Variants in GIGYF2 observed in about 807,000 individuals in gnomAD.
GIGYF2 encodes the protein GRB10-interacting GYF protein 2.
In GIGYF2, 25 loss-of-function variants were observed where a neutral mutation model predicts 208.1. The ratio of observed to expected loss-of-function variants is 0.12; its 90% CI spans 0.09 to 0.17. The LOEUF (loss-of-function observed/expected upper bound fraction) is 0.17. Ranked by LOEUF, GIGYF2 falls within the 10% of genes least tolerant of loss-of-function variation. The pLI is 1.00. For missense variants in GIGYF2, 1,302 were observed against 1,579.4 expected (o/e 0.82, Z 2.98); for synonymous variants, 534 against 543.8 (o/e 0.98, Z 0.25).
At chr2:232,709,099 G>A (rs1696265249) in intron 2 of GIGYF2, among the ~76,000 whole-genome samples, 1 of 152,148 alleles carries the variant, frequency 6.6e-6, no homozygotes, top group Non-Finnish European at 1.5e-5. Context: ...TCCAGTCTGG[G>A]TGACAGAGTG....
chr2:232,776,987 G>C (rs11887276), intron 8 of GIGYF2, among the ~76,000 whole-genome samples: 3,290 of 151,816 alleles, frequency 0.022, 126 homozygotes, highest in African/African-American at 0.075. Context: ...GGACTTATAG[G>C]CATAAATTAA....
chr2:232,701,002 C>A (rs1396687887), intron 1 of GIGYF2, among the ~76,000 whole-genome samples: 1 of 152,026 alleles, frequency 6.6e-6, no homozygotes, highest in African/African-American at 2.4e-5. Context: ...ATTGTTTTTA[C>A]ATTTTATTCA....
At chr2:232,767,945 T>G (rs1028373805) in intron 8 of GIGYF2, 14 of 492,568 alleles carry the variant, frequency 2.8e-5, no homozygotes, top group Non-Finnish European at 4.4e-5. Flanking sequence ...CCAGCAACAT[T>G]TCTGTATAAG....
chr2:232,699,176 A>G (rs1227897174), intron 1 of GIGYF2, among the ~76,000 whole-genome samples: 2 of 152,206 alleles, frequency 1.3e-5, no homozygotes, highest in African/African-American at 4.8e-5. Flanking sequence ...GAAAAACCCA[A>G]CAGAGGTGAA....
chr2:232,796,215 A>G lies in GIGYF2; in HGVS notation c.1633A>G (p.Ile545Val), dbSNP rs1262408040. 1 of 1,595,752 alleles carries G rather than the reference A, an allele frequency of 6.3e-7. No homozygotes were observed. The highest frequency in any genetic ancestry group is 2.2e-5 in the East Asian group (1 of 44,778). ...KWYYKDPQGE[I>V]QGPFNNQEMA... ...GTATTACAAAGATCCTCAGGGAGAA[A>G]TTCAAGGCAAGTTGTTCCTTTTTCC... Residue 545 changes from isoleucine (I) to valine (V), a missense_variant, in exon 14 of 29, where the codon ATT becomes GTT. Ile to Val is a conservative substitution (Grantham distance 29). Transcript: ENST00000373563.
At chr2:232,736,050 T>C in intron 3 of GIGYF2, 1 of 976,486 alleles carries the variant, frequency 1.0e-6, no homozygotes, top group Non-Finnish European at 1.2e-6. Flanking sequence ...CTGTAGTAAC[T>C]CTATTTGAGG....
intron 2 of GIGYF2, chr2:232,729,936 A>G (rs886331510): frequency 4.1e-6 from 3 of 732,840 alleles, no homozygotes; most frequent in African/African-American, 1.7e-5. Context: ...TCCTCTTCCT[A>G]TAGTGTCTTC....
At chr2:232,714,757 C>A (rs1318074343) in intron 2 of GIGYF2, among the ~76,000 whole-genome samples, 1 of 151,666 alleles carries the variant, frequency 6.6e-6, no homozygotes, top group Non-Finnish European at 1.5e-5. Context: ...TCTAGAAATT[C>A]ATGTAAATGG....
chr2:232,829,770 A>G (rs772992382), intron 21 of GIGYF2, among the ~76,000 whole-genome samples: 3 of 152,194 alleles, frequency 2.0e-5, no homozygotes, highest in Non-Finnish European at 4.4e-5. Flanking sequence ...TTGACCACCA[A>G]AACTGCTAGT....
chr2:232,796,279 C>A, intron 14 of GIGYF2, 58 bp downstream of exon 14: 1 of 1,079,686 alleles, frequency 9.3e-7, no homozygotes, highest in Non-Finnish European at 1.4e-6. Flanking sequence ...TCCAGAATCT[C>A]TAAGAAGGGA....
chr2:232,712,811 T>C (rs953221702), intron 2 of GIGYF2, among the ~76,000 whole-genome samples: 2 of 152,206 alleles, frequency 1.3e-5, no homozygotes, highest in Non-Finnish European at 2.9e-5. Flanking sequence ...ATTGATTTTT[T>C]AAAAAACGAT....
chr2:232,781,962 C>T (rs1331141782), intron 8 of GIGYF2, among the ~76,000 whole-genome samples: 1 of 152,156 alleles, frequency 6.6e-6, no homozygotes, highest in African/African-American at 2.4e-5. Flanking sequence ...GACTTAATCT[C>T]TTGTGGTTAT....
chr2:232,711,705 G>GTATGTATATATA (rs1553604498), intron 2 of GIGYF2, among the ~76,000 whole-genome samples: 3 of 115,762 alleles, frequency 2.6e-5, no homozygotes, highest in Non-Finnish European at 3.6e-5. Flanking sequence ...TCACAATGAT[G>GTATGTATATATA]TATATATATA....
chr2:232,749,342 A>C (rs956287728), intron 5 of GIGYF2, among the ~76,000 whole-genome samples: 1 of 152,220 alleles, frequency 6.6e-6, no homozygotes, highest in Admixed American at 6.5e-5. Flanking sequence ...GTAGAGAGGA[A>C]GAGTGATTCT....
rs769304377 is a variant in GIGYF2, at chr2:232,787,257, G to A, written c.640G>A (p.Glu214Lys). The A allele has an allele frequency of 6.2e-7, 1 of 1,614,068 alleles. No homozygotes were observed. The highest frequency in any genetic ancestry group is 1.7e-5 in the Admixed American group (1 of 60,008). The change falls in exon 9 of 29, where the codon GAA becomes AAA. Residue 214 changes from glutamate to lysine, a missense_variant. Physicochemically the swap from Glu to Lys is moderately conservative, Grantham distance 56 (BLOSUM62 1). This residue lies in a region of GIGYF2 where 189 missense variants were observed against 257.7 expected (regional missense o/e 0.73). Coordinates refer to ENST00000373563, the MANE Select transcript of GIGYF2 (RefSeq NM_001103146.3). ...WRIFREEQNG[E>K]DEDGGWRLAG... Reference sequence around the variant, plus strand: ...CATCTTTAGAGAGGAACAAAATGGAGAAGATGAAGATGGAGGTTGGCGACT... The same window carrying A: ...CATCTTTAGAGAGGAACAAAATGGAAAAGATGAAGATGGAGGTTGGCGACT...
chr2:232,812,476 G>T lies in GIGYF2; in HGVS notation c.2092G>T (p.Ala698Ser). 1 of 1,421,964 alleles carries T rather than the reference G, an allele frequency of 7.0e-7. No homozygotes were observed. Among genetic ancestry groups the T allele is most frequent in the Non-Finnish European group, 1.0e-6 (1 of 1,004,978 alleles). 88.1% of individuals were successfully genotyped at this position (1,421,964 alleles called of 1,614,324 possible). ...TGSIWELQPTASQPTVWEGGS... is the reference protein window; with the variant it reads ...TGSIWELQPTSSQPTVWEGGS... ...CTCTATCTGGGAGCTTCAGCCAACA[G>T]CTTCACAGCCTACAGGTAAAAACTT... The change falls in exon 18 of 29, where the codon GCT (alanine) becomes TCT (serine). Residue 698 changes from alanine (A) to serine (S), a missense_variant. Coordinates refer to ENST00000373563, the MANE Select transcript of GIGYF2 (RefSeq NM_001103146.3).
In GIGYF2 at chr2:232,756,330, G is replaced by A. The variant is rs1698540694; in HGVS notation, c.375G>A (p.Gly125=). 2 of 1,509,520 alleles carry A rather than the reference G, an allele frequency of 1.3e-6. No individual in the cohort carries two copies. The highest frequency in any genetic ancestry group is 4.5e-5 in the East Asian group (2 of 44,062). The allele number at this position is 1,509,520 out of a possible 1,614,324, so 93.5% of individuals were successfully genotyped here. The change falls in exon 6 of 29, where the codon GGG becomes GGA. Residue 125 remains glycine, a synonymous_variant. Coordinates refer to ENST00000373563, the MANE Select transcript of GIGYF2 (RefSeq NM_001103146.3). ...CTAGAGGTCGAAGTTCTTCAAGAGGGCGAGGTGAGCTTTCATATGAAAAAA... is the reference window on the plus strand; with the variant it reads ...CTAGAGGTCGAAGTTCTTCAAGAGGACGAGGTGAGCTTTCATATGAAAAAA... The part of the protein sequence containing the change: ...GAPRGRSSSR[G]RGRGRGECGF...
chr2:232,735,046 A>T, intron 2 of GIGYF2, 109 bp from the exon 3 acceptor site: 1 of 632,564 alleles, frequency 1.6e-6, no homozygotes, highest in Non-Finnish European at 2.9e-6. Flanking sequence ...CATTTTTGTG[A>T]CTCTAGTTGA....
At chr2:232,843,813 T>C (rs2106423760) in intron 23 of GIGYF2, among the ~76,000 whole-genome samples, 1 of 152,130 alleles carries the variant, frequency 6.6e-6, no homozygotes, top group Admixed American at 6.5e-5. Context: ...GGCGGAAGAG[T>C]GAGACACAGT....
Sources: allele counts gnomAD v4.1 joint callset (sites outside exome capture counted in the v4.1 genomes callset), GRCh38; gene constraint gnomAD v4.1.1; regional missense constraint gnomAD v4.1.1; transcripts MANE v1.5; gene names NCBI Gene and HGNC (gene_info 2026-07-23, HGNC 2026-07-21).